Variants in MAF observed in about 807,000 individuals in gnomAD.
The protein encoded by MAF is transcription factor Maf.
In MAF, 10 loss-of-function variants were observed where a neutral mutation model predicts 22.0. The observed-to-expected ratio is 0.45, with a 90% CI of 0.28 to 0.77. The LOEUF is 0.77. Among genes scored for constraint, MAF ranks in the 30% least tolerant of loss-of-function variants. MAF has a pLI of 0.12. For synonymous variants in MAF, 337 were observed against 255.8 expected (o/e 1.32, Z -3.03); for missense variants, 544 against 548.4 (o/e 0.99, Z 0.08).
the MAF span, among the ~76,000 whole-genome samples, chr16:79,211,006 T>C: frequency 6.7e-6 from 1 of 150,250 alleles, no homozygotes; most frequent in African/African-American, 2.5e-5. Flanking sequence ...TGTTATGTGT[T>C]TGTGCTAAGT....
the MAF span, among the ~76,000 whole-genome samples, chr16:79,454,967 G>A: frequency 1.3e-5 from 2 of 151,578 alleles, no homozygotes; most frequent in South Asian, 2.1e-4. Flanking sequence ...ATGGTGGCAC[G>A]TGCCTGTAAT....
the MAF span, among the ~76,000 whole-genome samples, chr16:79,315,677 C>G: frequency 6.6e-6 from 1 of 152,184 alleles, no homozygotes. Flanking sequence ...TTTAATTACA[C>G]TGCCAATGCT....
chr16:79,490,178 G>A, the MAF span, among the ~76,000 whole-genome samples: 1 of 152,210 alleles, frequency 6.6e-6, no homozygotes, highest in Non-Finnish European at 1.5e-5. Flanking sequence ...GAACCCTAAT[G>A]TTGAAATGGC....
chr16:79,316,860 A>G, the MAF span, among the ~76,000 whole-genome samples: 1 of 152,174 alleles, frequency 6.6e-6, no homozygotes, highest in African/African-American at 2.4e-5. Flanking sequence ...GGACTGAAAG[A>G]AAGAGGGTGA....
At chr16:79,317,934 TCACTCAC>T in the MAF span, among the ~76,000 whole-genome samples, 9,239 of 151,348 alleles carry the variant, frequency 0.061, 581 homozygotes, top group African/African-American at 0.16. Flanking sequence ...ACTCACTCAC[TCACTCAC>T]TCACTCACTC....
chr16:79,239,477 C>A, the MAF span, among the ~76,000 whole-genome samples: 1 of 152,002 alleles, frequency 6.6e-6, no homozygotes, highest in Non-Finnish European at 1.5e-5. Flanking sequence ...CAAATTCCAA[C>A]CCACTGAATG....
chr16:79,545,558 G>A, the MAF span, among the ~76,000 whole-genome samples: 15 of 151,722 alleles, frequency 9.9e-5, no homozygotes, highest in African/African-American at 3.6e-4. Flanking sequence ...AGAAAATCGT[G>A]GACATTACAA....
the MAF span, among the ~76,000 whole-genome samples, chr16:79,384,402 G>A: frequency 4.2e-4 from 60 of 142,200 alleles, no homozygotes; most frequent in South Asian, 3.1e-3. Flanking sequence ...CCAAGATTAC[G>A]CTACTGTATC....
At chr16:79,523,611 A>T in the MAF span, among the ~76,000 whole-genome samples, 1 of 152,234 alleles carries the variant, frequency 6.6e-6, no homozygotes, top group Non-Finnish European at 1.5e-5. Flanking sequence ...ACAGATGAGT[A>T]CACGAAGAAT....
At chr16:79,306,213 G>A in the MAF span, among the ~76,000 whole-genome samples, 1 of 152,168 alleles carries the variant, frequency 6.6e-6, no homozygotes, top group African/African-American at 2.4e-5. Context: ...CTGCCCCAAA[G>A]CGTCAAATAT....
the MAF span, among the ~76,000 whole-genome samples, chr16:79,236,843 C>A: frequency 6.6e-5 from 10 of 151,800 alleles, no homozygotes; most frequent in South Asian, 8.3e-4. Context: ...CCAGGGACAA[C>A]CTATACAAGG....
the MAF span, among the ~76,000 whole-genome samples, chr16:79,505,014 A>G: frequency 6.6e-6 from 1 of 152,168 alleles, no homozygotes; most frequent in African/African-American, 2.4e-5. Flanking sequence ...AAGTATTTAT[A>G]GCATTTTTCA....
chr16:79,206,913 G>A, the MAF span, among the ~76,000 whole-genome samples: 1 of 152,172 alleles, frequency 6.6e-6, no homozygotes, highest in Non-Finnish European at 1.5e-5. Flanking sequence ...ATAGTGAGTA[G>A]GGAACAAGTG....
At chr16:79,351,173 T>A in the MAF span, among the ~76,000 whole-genome samples, 4 of 152,190 alleles carry the variant, frequency 2.6e-5, no homozygotes, top group Admixed American at 2.6e-4. Flanking sequence ...AGTTTCTCTT[T>A]TTGCATTTGG....
At chr16:79,424,652 G>C in the MAF span, among the ~76,000 whole-genome samples, 3 of 152,124 alleles carry the variant, frequency 2.0e-5, no homozygotes, top group Non-Finnish European at 2.9e-5. Flanking sequence ...GCAATTGCTG[G>C]AGTAGCCAGC....
the MAF span, among the ~76,000 whole-genome samples, chr16:79,219,896 G>A: frequency 6.6e-6 from 1 of 152,106 alleles, no homozygotes; most frequent in Non-Finnish European, 1.5e-5. Flanking sequence ...TTGTGATATT[G>A]GTTATATAAA....
the MAF span, among the ~76,000 whole-genome samples, chr16:79,564,905 G>A: frequency 6.6e-6 from 1 of 152,200 alleles, no homozygotes; most frequent in Non-Finnish European, 1.5e-5. Context: ...AAGGAATAAA[G>A]GGCTGCACAC....
the MAF span, among the ~76,000 whole-genome samples, chr16:79,230,472 G>C: frequency 6.6e-6 from 1 of 152,154 alleles, no homozygotes; most frequent in Non-Finnish European, 1.5e-5. Flanking sequence ...GCGGTCTTGA[G>C]CAAATTAGGT....
At chr16:79,302,165 C>A in the MAF span, among the ~76,000 whole-genome samples, 1 of 152,180 alleles carries the variant, frequency 6.6e-6, no homozygotes, top group Non-Finnish European at 1.5e-5. Context: ...CTGGTAGCCA[C>A]GAGATGTGTT....
Sources: gnomAD v4.1 joint callset for allele counts (sites outside exome capture counted in the v4.1 genomes callset) on GRCh38, gnomAD v4.1.1 for gene constraint, MANE v1.5 for transcripts, NCBI Gene and HGNC (gene_info 2026-07-23, HGNC 2026-07-21) for gene names.